The following GRM8 variants were observed in gnomAD, a reference collection of about 807,000 sequenced individuals.
GRM8 encodes the protein glutamate metabotropic receptor 8.
GRM8 carries 47 observed loss-of-function variants against 87.2 expected under a neutral mutation model. That is an observed-to-expected ratio of 0.54 (90% CI 0.43 to 0.69). GRM8 has a LOEUF of 0.69. Among genes scored for constraint, GRM8 ranks in the 30% least tolerant of loss-of-function variants. The pLI, the probability that GRM8 is intolerant of heterozygous loss-of-function variation, is 0.00. For missense variants in GRM8, 1,019 were observed against 1,139.2 expected (o/e 0.89, Z 1.52); for synonymous variants, 396 against 404.5 (o/e 0.98, Z 0.25).
intron 7 of GRM8, among the ~76,000 whole-genome samples, chr7:126,686,376 GC>G (rs1226581574): frequency 6.6e-6 from 1 of 152,174 alleles, no homozygotes; most frequent in African/African-American, 2.4e-5. Flanking sequence ...CCCCTTGCTT[GC>G]CACGTTGTGG....
chr7:127,029,611 C>G (rs1439453632), intron 3 of GRM8, among the ~76,000 whole-genome samples: 2 of 150,926 alleles, frequency 1.3e-5, no homozygotes, highest in East Asian at 3.9e-4. Context: ...CTCTTTTGAT[C>G]TTTGTTGGTT....
chr7:126,607,842 TC>T (rs71522220), intron 8 of GRM8, among the ~76,000 whole-genome samples: 2 of 100,860 alleles, frequency 2.0e-5, no homozygotes, highest in East Asian at 3.0e-4. Context: ...ATGCTATCCC[TC>T]CCCCCTCCCC....
chr7:127,051,561 C>G (rs1260615081), intron 3 of GRM8, among the ~76,000 whole-genome samples: 1 of 151,800 alleles, frequency 6.6e-6, no homozygotes, highest in African/African-American at 2.4e-5. Flanking sequence ...AGTGCAAAAA[C>G]AACTATATAT....
chr7:126,574,828 A>G (rs912469110), intron 8 of GRM8, among the ~76,000 whole-genome samples: 4 of 152,090 alleles, frequency 2.6e-5, no homozygotes, highest in Admixed American at 2.6e-4. Flanking sequence ...TACATCTACT[A>G]TCTGATACCA....
At chr7:126,945,359 G>T (rs1807419990) in intron 3 of GRM8, among the ~76,000 whole-genome samples, 1 of 151,990 alleles carries the variant, frequency 6.6e-6, no homozygotes. Context: ...TGTGTTTTCT[G>T]TATTTTAAAA....
chr7:126,876,794 T>A (rs888381639), intron 6 of GRM8, among the ~76,000 whole-genome samples: 3 of 152,176 alleles, frequency 2.0e-5, no homozygotes, highest in African/African-American at 4.8e-5. Flanking sequence ...AAATTTTATC[T>A]AAACCACTAA....
intron 7 of GRM8, among the ~76,000 whole-genome samples, chr7:126,636,218 T>C (rs1013882138): frequency 1.3e-5 from 2 of 152,106 alleles, no homozygotes; most frequent in African/African-American, 4.8e-5. Context: ...GAAACTTATA[T>C]AAAATACATA....
In GRM8 at chr7:126,906,538, G is replaced by C. The variant is rs139678737; in HGVS notation, c.728-1855C>G. 1.3e-3 allele frequency among the ~76,000 whole-genome samples: 198 copies of C among 152,158 alleles called. 1 individual carries two copies. Among genetic ancestry groups the C allele is most frequent in the African/African-American group, 4.6e-3 (192 of 41,514 alleles). ...AAGAGACTAAGACATCAAATAACTT[G>C]GACTTTATTTTGAAAACAATGGGGA... On this transcript the variant is annotated intron_variant, in intron 3 of 10. Coordinates refer to ENST00000339582, the MANE Select transcript of GRM8 (RefSeq NM_000845.3).
intron 3 of GRM8, among the ~76,000 whole-genome samples, chr7:126,998,577 G>T (rs1384287731): frequency 6.6e-6 from 1 of 151,600 alleles, no homozygotes; most frequent in Non-Finnish European, 1.5e-5. Context: ...CAGTAAAGAT[G>T]CAGAATAAAA....
chr7:127,066,925 G>A (rs1489138014), intron 3 of GRM8, among the ~76,000 whole-genome samples: 8 of 152,258 alleles, frequency 5.3e-5, no homozygotes, highest in East Asian at 1.9e-4. Context: ...TTCACTTAAC[G>A]TAATGAGGTA....
At chr7:126,715,485 T>A (rs1055208977) in intron 7 of GRM8, among the ~76,000 whole-genome samples, 5 of 152,230 alleles carry the variant, frequency 3.3e-5, no homozygotes, top group Admixed American at 2.6e-4. Flanking sequence ...TATAATAGAT[T>A]CATGTATATT....
chr7:126,854,122 T>G (rs2130752343), intron 6 of GRM8, among the ~76,000 whole-genome samples: 1 of 152,240 alleles, frequency 6.6e-6, no homozygotes, highest in Admixed American at 6.5e-5. Context: ...CAGTGAGCCT[T>G]TTAGTGGGCA....
At chr7:126,981,738 T>C (rs1811552473) in intron 3 of GRM8, 1 of 152,154 alleles carries the variant, frequency 6.6e-6, no homozygotes, top group African/African-American at 2.4e-5. Context: ...ATGGAGTTCT[T>C]TGGCCTAAGG....
intron 3 of GRM8, among the ~76,000 whole-genome samples, chr7:127,044,966 A>G (rs1818789706): frequency 6.6e-6 from 1 of 152,188 alleles, no homozygotes; most frequent in Admixed American, 6.5e-5. Context: ...AAAGTTGCAA[A>G]TGAATTTATA....
chr7:126,455,932 C>A (rs573759914), intron 9 of GRM8, among the ~76,000 whole-genome samples: 1 of 151,066 alleles, frequency 6.6e-6, no homozygotes, highest in Non-Finnish European at 1.5e-5. Flanking sequence ...AAAAATAGAT[C>A]CAATAGAGCT....
chr7:126,815,164 G>A (rs1403516133), intron 6 of GRM8, among the ~76,000 whole-genome samples: 1 of 151,980 alleles, frequency 6.6e-6, no homozygotes, highest in Non-Finnish European at 1.5e-5. Flanking sequence ...AATTCTTTTT[G>A]TCCATGGCTG....
At chr7:127,245,214 T>C (rs926371425) in intron 1 of GRM8, among the ~76,000 whole-genome samples, 1 of 152,252 alleles carries the variant, frequency 6.6e-6, no homozygotes, top group Admixed American at 6.5e-5. Flanking sequence ...AGATTGTGTT[T>C]AACAGTTTCA....
intron 6 of GRM8, among the ~76,000 whole-genome samples, chr7:126,836,398 T>C (rs1795831410): frequency 6.6e-6 from 1 of 152,346 alleles, no homozygotes; most frequent in Admixed American, 6.5e-5. Flanking sequence ...GAATACCTGG[T>C]TCAAGGTGGA....
intron 2 of GRM8, among the ~76,000 whole-genome samples, chr7:127,117,270 G>A (rs1453303740): frequency 5.3e-5 from 1 of 18,746 alleles, no homozygotes. Flanking sequence ...ACCTGGCTTT[G>A]CTTTGCTTTG....
Sources: gnomAD v4.1 joint callset for allele counts (sites outside exome capture counted in the v4.1 genomes callset) on GRCh38, gnomAD v4.1.1 for gene constraint, MANE v1.5 for transcripts, NCBI Gene and HGNC (gene_info 2026-07-23, HGNC 2026-07-21) for gene names.